GINM1: variants seen among roughly 807,000 people sequenced by gnomAD.
GINM1 encodes glycoprotein integral membrane protein 1.
GINM1 carries 29 observed loss-of-function variants against 37.8 expected under a neutral mutation model. That is an observed-to-expected ratio of 0.77 (90% confidence interval 0.57 to 1.05). The LOEUF is 1.05. GINM1 is among the 50% of genes least tolerant of loss of function. The pLI, the probability that GINM1 is intolerant of heterozygous loss-of-function variation, is 0.00. For synonymous variants in GINM1, 143 were observed against 146.2 expected, an observed-to-expected ratio of 0.98 and a Z score of 0.16; for missense variants, 377 against 397.9, an observed-to-expected ratio of 0.95 and a Z score of 0.45.
At chr6:149,585,758 A>C (rs762229340) in intron 7 of GINM1, among the ~76,000 whole-genome samples, 16 of 151,966 alleles carry the variant, frequency 1.1e-4, no homozygotes, top group South Asian at 2.1e-4. Flanking sequence ...ACGCCCAGCT[A>C]ATTTTTTGTA....
chr6:149,574,304 G>A (rs184368513), intron 3 of GINM1, among the ~76,000 whole-genome samples: 2,351 of 152,044 alleles, frequency 0.015, 68 homozygotes, highest in African/African-American at 0.054. Context: ...CGCCTGCCTC[G>A]GCCTCCCAAA....
Position 149,591,559 on chromosome 6 carries a change from CTT to C in GINM1, c.*722_*723del, listed in dbSNP as rs983242418. 1.5e-3 allele frequency: 225 copies of C among 152,132 alleles called. No homozygotes were observed. The highest frequency in any genetic ancestry group is 5.2e-3 in the African/African-American group (216 of 41,504). 9.4% of individuals were successfully genotyped at this position (152,132 alleles called of 1,614,324 possible). A position where few individuals can be genotyped will look rare whatever the true frequency, so the allele number is the denominator to read the frequency against. On this transcript the variant is annotated 3_prime_UTR_variant, in exon 8 of 8. Transcript: ENST00000367419. ...AATTTAAAAGGTCAAGAACTTAACA[CTT>C]ATTTTTTTATTCAGTACAGTGTGCC...
At chr6:149,590,588 A>C (rs973373643) in intron 7 of GINM1, 139 bp from the exon 8 acceptor site, 1 of 563,044 alleles carries the variant, frequency 1.8e-6, no homozygotes, top group African/African-American at 1.9e-5. Flanking sequence ...TACAACCACT[A>C]TGAATTTTTA....
In GINM1 at chr6:149,590,893, C is replaced by T; in HGVS notation, c.*55C>T. ...TAGCCTGTTGCCTCCAAATTTGCCA[C>T]TTGAATATAATTTTCTTTAAATCGT... is the stretch of plus-strand genomic sequence containing the variant. On this transcript the variant is annotated 3_prime_UTR_variant, in exon 8 of 8. Coordinates refer to ENST00000367419, the MANE Select transcript of GINM1 (RefSeq NM_138785.5). 2.5e-6 allele frequency: 2 copies of T among 792,580 alleles called. No individual in the cohort carries two copies. The highest frequency in any genetic ancestry group is 4.3e-6 in the Non-Finnish European group (2 of 463,008). 49.1% of individuals were successfully genotyped at this position (792,580 alleles called of 1,614,324 possible). A position where few individuals can be genotyped will look rare whatever the true frequency, so the allele number is the denominator to read the frequency against.
chr6:149,579,712 A>T, intron 4 of GINM1, 122 bp from the exon 5 acceptor site: 5 of 522,384 alleles, frequency 9.6e-6, no homozygotes, highest in East Asian at 3.4e-5. Flanking sequence ...AAAAAAAAAG[A>T]GTAATTGTCT....
In GINM1 at chr6:149,582,569, A is replaced by G. The variant is rs1322646109; in HGVS notation, c.847A>G (p.Ile283Val). The change falls in exon 7 of 8, where the codon ATC becomes GTC. Residue 283 changes from isoleucine to valine, a missense_variant. Transcript: ENST00000367419. ...TACAGGAGCAGCTGTGGTAATAACCATCTTAAAGGTGTTTTTCCCAGTTTC... is the reference window on the plus strand; with the variant it reads ...TACAGGAGCAGCTGTGGTAATAACCGTCTTAAAGGTGTTTTTCCCAGTTTC... ...GITGAAVVIT[I>V]LKVFFPVSEY... 2.5e-6 allele frequency: 4 copies of G among 1,591,102 alleles called. No homozygotes were observed. Among genetic ancestry groups the G allele is most frequent in the Admixed American group, 1.9e-5 (1 of 52,010 alleles).
At position 149,582,029 on chromosome 6, in the gene GINM1, TTG is replaced by T. The variant is rs549056852; in HGVS notation, c.718-409_718-408del. ...TGTATTCTAAAATTTTCTAATATGT[TTG>T]TCTTTCTCTTCCTTCTCTTGTGCTC... On this transcript the variant is annotated intron_variant, in intron 6 of 7. Coordinates refer to ENST00000367419, the MANE Select transcript of GINM1 (RefSeq NM_138785.5). 432 of 471,752 alleles carry T rather than the reference TTG, an allele frequency of 9.2e-4. 2 individuals carry two copies. Among genetic ancestry groups the T allele is most frequent in the South Asian group, 1.7e-3 (112 of 64,508 alleles). 29.2% of individuals were successfully genotyped at this position (471,752 alleles called of 1,614,324 possible). A position where few individuals can be genotyped will look rare whatever the true frequency, so the allele number is the denominator to read the frequency against.
intron 7 of GINM1, among the ~76,000 whole-genome samples, chr6:149,583,306 TACAAAAATTA>T (rs923233202): frequency 2.0e-5 from 3 of 151,922 alleles, no homozygotes; most frequent in Non-Finnish European, 4.4e-5. Flanking sequence ...CTACTAAAAA[TACAAAAATTA>T]GCCAGCCGTG....
At chr6:149,582,702 G>A in intron 7 of GINM1, 99 bp downstream of exon 7, 4 of 868,204 alleles carry the variant, frequency 4.6e-6, no homozygotes, top group Non-Finnish European at 6.7e-6. Flanking sequence ...AATTAGAAAG[G>A]GTAAGACAAA....
rs1187747354 is a variant in GINM1 at position 149,579,978 on chromosome 6, C to T, written c.574C>T (p.Leu192Phe). The change falls in exon 5 of 8, where the codon CTC (leucine) becomes TTC (phenylalanine). Residue 192 changes from leucine (L) to phenylalanine (F), a missense_variant. Physicochemically the swap from Leu to Phe is conservative, Grantham distance 22. Transcript: ENST00000367419. ...DSDILFTLPN[L>F]SKKESVSSLQ... is the part of the protein sequence containing the mutation. ...TGACATTTTATTTACCCTTCCTAAC[C>T]TCTCCAAAAAAGGTAACTTAAAAGA... 1.9e-6 allele frequency: 3 copies of T among 1,585,358 alleles called. No individual in the cohort carries two copies. The highest frequency in any genetic ancestry group is 2.6e-6 in the Non-Finnish European group (3 of 1,167,666).
chr6:149,583,176 A>G (rs1399911138), intron 7 of GINM1, among the ~76,000 whole-genome samples: 1 of 152,114 alleles, frequency 6.6e-6, no homozygotes, highest in East Asian at 1.9e-4. Context: ...AAAATAAAAA[A>G]AAATTAGCCT....
At chr6:149,568,048 T>C (rs1038954070) in intron 1 of GINM1, among the ~76,000 whole-genome samples, 6 of 152,254 alleles carry the variant, frequency 3.9e-5, no homozygotes, top group Non-Finnish European at 8.8e-5. Flanking sequence ...GTGATGATTT[T>C]ACTATTTCAG....
intron 1 of GINM1, among the ~76,000 whole-genome samples, chr6:149,570,475 G>T (rs1777802901): frequency 6.6e-6 from 1 of 151,910 alleles, no homozygotes; most frequent in Non-Finnish European, 1.5e-5. Context: ...GAAAAAGCTG[G>T]CTAGTTCTGA....
intron 4 of GINM1, 123 bp from the exon 5 acceptor site, chr6:149,579,709 AAG>A: frequency 1.8e-6 from 1 of 554,682 alleles, no homozygotes. Flanking sequence ...AAAAAAAAAA[AAG>A]AGTAATTGTC....
At chr6:149,569,831 G>A (rs1446709916) in intron 1 of GINM1, among the ~76,000 whole-genome samples, 1 of 151,924 alleles carries the variant, frequency 6.6e-6, no homozygotes, top group Non-Finnish European at 1.5e-5. Flanking sequence ...TATGAGTAAA[G>A]GAATTAGAAG....
chr6:149,580,937 G>A (rs936047576), intron 6 of GINM1, among the ~76,000 whole-genome samples: 1 of 152,128 alleles, frequency 6.6e-6, no homozygotes, highest in Admixed American at 6.5e-5. Context: ...TGATTATCAA[G>A]GTGCTGGATT....
chr6:149,590,454 A>T (rs1245979734), intron 7 of GINM1, among the ~76,000 whole-genome samples: 6 of 152,180 alleles, frequency 3.9e-5, no homozygotes, highest in South Asian at 4.2e-4. Context: ...GTATCTAGGA[A>T]CCTAACTCTG....
Position 149,566,444 on chromosome 6 carries a change from C to A in GINM1, c.30C>A (p.Ala10=). 1 of 1,574,484 alleles carries A rather than the reference C, an allele frequency of 6.4e-7. No homozygotes were observed. Among genetic ancestry groups the A allele is most frequent in the South Asian group, 1.1e-5 (1 of 88,074 alleles). MEGAPPGSL[A]LRLLLFVALP... ...AGGGCGCTCCACCGGGGTCGCTCGC[C>A]CTCCGGCTCCTGCTGTTCGTGGCGC... Residue 10 remains alanine, a synonymous_variant, in exon 1 of 8, where the codon GCC becomes GCA. Transcript: ENST00000367419. The surrounding 1 kb of genome is among the most constrained non-coding windows in gnomAD (Gnocchi z 4.4).
Position 149,566,517 on chromosome 6 carries a change from C to A in GINM1, c.103C>A (p.Leu35Met). The A allele has an allele frequency of 6.5e-7, 1 of 1,528,164 alleles. No homozygotes were observed. The highest frequency in any genetic ancestry group is 8.7e-7 in the Non-Finnish European group (1 of 1,145,730). The allele number at this position is 1,528,164 out of a possible 1,614,324, so 94.7% of individuals were successfully genotyped here. A position where few individuals can be genotyped will look rare whatever the true frequency, so the allele number is the denominator to read the frequency against. ...GACGGGCGCCCCCGAGCCGCCGCCG[C>A]TGTCCGGAGCCCCACAGGTAGGGCA... Reference protein sequence around the residue: ...LTTGAPEPPPLSGAPQDGIRI... With the variant: ...LTTGAPEPPPMSGAPQDGIRI... Residue 35 changes from leucine to methionine, a missense_variant, in exon 1 of 8, where the codon CTG becomes ATG. Physicochemically the swap from Leu to Met is conservative, Grantham distance 15. Transcript: ENST00000367419. This position sits in a 1 kb window ranked among gnomAD's most constrained non-coding sequence, Gnocchi z 4.4.
Sources: gnomAD v4.1 joint callset for allele counts (sites outside exome capture counted in the v4.1 genomes callset) on GRCh38, gnomAD v4.1.1 for gene constraint, Gnocchi (gnomAD v3.1) non-coding constraint, MANE v1.5 for transcripts, NCBI Gene and HGNC (gene_info 2026-07-23, HGNC 2026-07-21) for gene names.